The following ASB4 variants were observed in gnomAD, a reference collection of about 807,000 sequenced individuals.
The protein encoded by ASB4 is ankyrin repeat and SOCS box containing 4.
ASB4 carries 35 observed loss-of-function variants against 38.6 expected under a neutral mutation model. The ratio of observed to expected loss-of-function variants is 0.91; its 90% CI spans 0.69 to 1.20. ASB4 has a LOEUF of 1.20. ASB4 is among the 50% of genes most tolerant of loss of function. The pLI, the probability that ASB4 is intolerant of heterozygous loss-of-function variation, is 0.00. For synonymous variants in ASB4, 195 were observed against 201.3 expected (o/e 0.97, Z 0.26); for missense variants, 557 against 527.2 (o/e 1.06, Z -0.55).
chr7:95,477,921 A>AT (rs5885916), upstream of ASB4, among the ~76,000 whole-genome samples: 30,189 of 149,446 alleles, frequency 0.2, 3,682 homozygotes, highest in East Asian at 0.36. Flanking sequence ...TTGTTGTGCA[A>AT]TTTTTTTTTT....
upstream of ASB4, among the ~76,000 whole-genome samples, chr7:95,481,607 A>G (rs188525972): frequency 1.3e-5 from 2 of 152,198 alleles, no homozygotes; most frequent in Non-Finnish European, 2.9e-5. Context: ...ATTGTGGCTT[A>G]GTAGCATCAA....
intron 2 of ASB4, among the ~76,000 whole-genome samples, chr7:95,508,100 T>C (rs956234245): frequency 4.6e-5 from 7 of 152,008 alleles, no homozygotes; most frequent in African/African-American, 1.7e-4. Context: ...ACCTGAGCAT[T>C]TAAAAAACTG....
chr7:95,529,618 G>A (rs1357287637), intron 3 of ASB4, among the ~76,000 whole-genome samples: 1 of 152,150 alleles, frequency 6.6e-6, no homozygotes, highest in Non-Finnish European at 1.5e-5. Context: ...GGATGCTAAT[G>A]GAAGATTAAC....
At chr7:95,531,729 G>C (rs1374034699) in intron 3 of ASB4, among the ~76,000 whole-genome samples, 1 of 152,096 alleles carries the variant, frequency 6.6e-6, no homozygotes, top group East Asian at 1.9e-4. Context: ...TCTGAAACTT[G>C]CTGTGGAATC....
chr7:95,524,922 G>A (rs978405253), intron 2 of ASB4, among the ~76,000 whole-genome samples: 9 of 152,186 alleles, frequency 5.9e-5, no homozygotes, highest in African/African-American at 2.2e-4. Context: ...TGTAAGATGG[G>A]GGCCTGTTAA....
chr7:95,519,318 GC>G (rs914213799), intron 2 of ASB4, among the ~76,000 whole-genome samples: 10 of 152,140 alleles, frequency 6.6e-5, no homozygotes, highest in African/African-American at 2.2e-4. Flanking sequence ...AAAATGAAAA[GC>G]CCTGAATAGA....
At chr7:95,499,309 G>T (rs1310873059) in intron 2 of ASB4, among the ~76,000 whole-genome samples, 1 of 152,170 alleles carries the variant, frequency 6.6e-6, no homozygotes, top group African/African-American at 2.4e-5. Flanking sequence ...CTATGAAAAA[G>T]CCCCAATGAA....
At chr7:95,487,552 A>G (rs1173948396) in intron 1 of ASB4, among the ~76,000 whole-genome samples, 1 of 152,216 alleles carries the variant, frequency 6.6e-6, no homozygotes, top group Non-Finnish European at 1.5e-5. Context: ...GATTGTGGGA[A>G]GTTTCTGAGG....
intron 2 of ASB4, among the ~76,000 whole-genome samples, chr7:95,517,612 A>AG (rs1790602190): frequency 6.6e-6 from 1 of 152,026 alleles, no homozygotes; most frequent in African/African-American, 2.4e-5. Context: ...AAAAAAAAAA[A>AG]GAATTTCAAG....
In ASB4 at chr7:95,528,047, A is replaced by G. The variant is rs112599911; in HGVS notation, c.722A>G (p.Tyr241Cys). Residue 241 changes from tyrosine (Y) to cysteine (C), a missense_variant, in exon 3 of 5, where the codon TAC becomes TGC. Coordinates refer to ENST00000325885, the MANE Select transcript of ASB4 (RefSeq NM_016116.3). Reference protein sequence around the residue: ...HHLVCRMLLDYKAEVNARDDD... With the variant: ...HHLVCRMLLDCKAEVNARDDD... ...CTGGTCTGCCGCATGCTGCTTGACTACAAAGCCGAAGTCAATGCCCGAGAT... is the reference window on the plus strand; with the variant it reads ...CTGGTCTGCCGCATGCTGCTTGACTGCAAAGCCGAAGTCAATGCCCGAGAT... 1.2e-6 allele frequency: 2 copies of G among 1,614,174 alleles called. No homozygotes were observed. The highest frequency in any genetic ancestry group is 1.7e-6 in the Non-Finnish European group (2 of 1,180,048).
upstream of ASB4, among the ~76,000 whole-genome samples, chr7:95,483,908 G>A (rs1348400629): frequency 3.9e-5 from 6 of 151,992 alleles, no homozygotes; most frequent in Non-Finnish European, 5.9e-5. Context: ...AGTCAGTTGG[G>A]AGCCAATCCC....
chr7:95,495,369 T>C (rs921813362), intron 1 of ASB4, among the ~76,000 whole-genome samples: 1 of 152,148 alleles, frequency 6.6e-6, no homozygotes, highest in Non-Finnish European at 1.5e-5. Flanking sequence ...TCTCAATGAT[T>C]GAAAGTTTTT....
At chr7:95,528,655 C>T (rs1164369011) in intron 3 of ASB4, 1 of 1,191,814 alleles carries the variant, frequency 8.4e-7, no homozygotes, top group Admixed American at 4.0e-5. Context: ...AACAGAATGA[C>T]TGATCTAAAG....
rs189272957 is a variant in ASB4 at position 95,488,294 on chromosome 7, T to C, written c.187+2136T>C. Reference sequence around the variant, plus strand: ...AGGCGGAGCTTGCAGTGAGCCCAGATGGCGCCACTGCACTCCAGCCTGGGT... The same window carrying C: ...AGGCGGAGCTTGCAGTGAGCCCAGACGGCGCCACTGCACTCCAGCCTGGGT... On this transcript the variant is annotated intron_variant, in intron 1 of 4. Coordinates refer to ENST00000325885, the MANE Select transcript of ASB4 (RefSeq NM_016116.3). Among the ~76,000 whole-genome samples, 289 of 152,160 alleles carry C rather than the reference T, an allele frequency of 1.9e-3. 2 individuals carry two copies. The highest frequency in any genetic ancestry group is 6.3e-3 in the African/African-American group (262 of 41,518).
At chr7:95,515,227 TTCTTTTTC>T (rs1253969822) in intron 2 of ASB4, among the ~76,000 whole-genome samples, 2,142 of 125,756 alleles carry the variant, frequency 0.017, 26 homozygotes, top group African/African-American at 0.036. Context: ...CTTTCTTTCT[TTCTTTTTC>T]TTTCTTTCTT....
In ASB4 at chr7:95,528,211, A is replaced by T. The variant is rs140837718; in HGVS notation, c.886A>T (p.Thr296Ser). 1.2e-6 allele frequency: 2 copies of T among 1,614,014 alleles called. No homozygotes were observed. The highest frequency in any genetic ancestry group is 8.5e-7 in the Non-Finnish European group (1 of 1,179,992). ...CAAIQYVLKV[T>S]SVRPAAQPEI... ...TGCCATCCAGTACGTGCTGAAGGTC[A>T]CCTCCGTGCGCCCTGCTGCCCAGCC... The change falls in exon 3 of 5, where the codon ACC becomes TCC. Residue 296 changes from threonine to serine, a missense_variant. Transcript: ENST00000325885.
At chr7:95,535,761 T>C (rs923379147) in intron 3 of ASB4, among the ~76,000 whole-genome samples, 1 of 152,220 alleles carries the variant, frequency 6.6e-6, no homozygotes, top group Non-Finnish European at 1.5e-5. Context: ...CATCTTTCAT[T>C]TGTTAATGAA....
intron 2 of ASB4, among the ~76,000 whole-genome samples, chr7:95,520,441 A>G (rs1016429223): frequency 2.0e-5 from 3 of 152,186 alleles, no homozygotes; most frequent in African/African-American, 2.4e-5. Flanking sequence ...GTTGTTTCAG[A>G]TCTCATAGAA....
the ASB4 span, among the ~76,000 whole-genome samples, chr7:95,470,989 TTATTCCA>T: frequency 2.0e-5 from 3 of 152,174 alleles, no homozygotes; most frequent in Non-Finnish European, 4.4e-5. Flanking sequence ...AACTCCTACT[TTATTCCA>T]TATTTCCATT....
Sources: allele counts gnomAD v4.1 joint callset (sites outside exome capture counted in the v4.1 genomes callset), GRCh38; gene constraint gnomAD v4.1.1; transcripts MANE v1.5; gene names NCBI Gene and HGNC (gene_info 2026-07-23, HGNC 2026-07-21).